GALNT17: variants seen among roughly 807,000 people sequenced by gnomAD.
GALNT17 encodes the protein polypeptide N-acetylgalactosaminyltransferase 17, also known as UDP-GalNAc:polypeptide N-acetylgalactosaminyltransferase-like 3.
GALNT17 carries 29 observed loss-of-function variants against 63.7 expected under a neutral mutation model. The observed-to-expected ratio is 0.46, with a 90% CI of 0.34 to 0.62. The LOEUF (loss-of-function observed/expected upper bound fraction) is 0.62. Among genes scored for constraint, GALNT17 ranks in the 20% least tolerant of loss-of-function variants. GALNT17 has a pLI of 0.01. For synonymous variants in GALNT17, 305 were observed against 318.3 expected (o/e 0.96, Z 0.45); for missense variants, 603 against 799.6 (o/e 0.75, Z 2.97).
chr7:71,480,357 T>C (rs980649312), intron 5 of GALNT17, among the ~76,000 whole-genome samples: 3 of 151,548 alleles, frequency 2.0e-5, no homozygotes, highest in African/African-American at 7.3e-5. Context: ...TCTTGCACAG[T>C]CCTGGCCATG....
At chr7:71,150,597 G>A (rs1386098353) in intron 1 of GALNT17, among the ~76,000 whole-genome samples, 3 of 148,590 alleles carry the variant, frequency 2.0e-5, no homozygotes, top group Non-Finnish European at 3.0e-5. Context: ...TGCAAGCTCC[G>A]CCTCCCAGGT....
intron 7 of GALNT17, among the ~76,000 whole-genome samples, chr7:71,666,103 A>G (rs950860425): frequency 3.3e-5 from 5 of 152,080 alleles, no homozygotes; most frequent in African/African-American, 1.2e-4. Flanking sequence ...GTAGTTGTAT[A>G]TTAGCGTGGT....
chr7:71,170,449 C>A (rs1381360117), intron 1 of GALNT17, among the ~76,000 whole-genome samples: 3 of 152,076 alleles, frequency 2.0e-5, no homozygotes, highest in Non-Finnish European at 4.4e-5. Flanking sequence ...GATTCTCCTG[C>A]TTCAGCTTCC....
chr7:71,140,352 C>T (rs1489997476), intron 1 of GALNT17, among the ~76,000 whole-genome samples: 2 of 152,192 alleles, frequency 1.3e-5, no homozygotes, highest in Non-Finnish European at 2.9e-5. Flanking sequence ...ACTCCCTTTA[C>T]CTCCAAGGAC....
chr7:71,302,724 T>TA, intron 1 of GALNT17, among the ~76,000 whole-genome samples: 1 of 152,158 alleles, frequency 6.6e-6, no homozygotes, highest in Non-Finnish European at 1.5e-5. Flanking sequence ...CCGTGCTCTT[T>TA]AAAAAATGGA....
At chr7:71,328,331 C>G (rs1791739496) in intron 1 of GALNT17, among the ~76,000 whole-genome samples, 1 of 152,186 alleles carries the variant, frequency 6.6e-6, no homozygotes, top group Non-Finnish European at 1.5e-5. Flanking sequence ...TCTCGCAGGC[C>G]TGGTGCCAAG....
chr7:71,292,668 AGTGTGTGTGT>A (rs201057078), intron 1 of GALNT17, among the ~76,000 whole-genome samples: 63 of 67,448 alleles, frequency 9.3e-4, no homozygotes, highest in Middle Eastern at 9.4e-3. Context: ...AGAGAGAGAG[AGTGTGTGTGT>A]GTGTGTGTGT....
chr7:71,226,841 CA>C (rs1789688672), intron 1 of GALNT17, among the ~76,000 whole-genome samples: 2 of 152,040 alleles, frequency 1.3e-5, no homozygotes, highest in African/African-American at 4.8e-5. Context: ...AAAGTATTGC[CA>C]AAAGGCTCCG....
chr7:71,237,511 GAAAAAAAAA>G (rs369921098), intron 1 of GALNT17, among the ~76,000 whole-genome samples: 1 of 78,124 alleles, frequency 1.3e-5, no homozygotes, highest in Non-Finnish European at 2.6e-5. Flanking sequence ...TCCCATCTCT[GAAAAAAAAA>G]AAAAAAAAAA....
Position 71,362,740 on chromosome 7 carries a change from C to G in GALNT17, c.423-25495C>G, listed in dbSNP as rs2527296. 2.0e-5 allele frequency among the ~76,000 whole-genome samples: 3 copies of G among 152,096 alleles called. No individual in the cohort carries two copies. In the East Asian group the frequency reaches 5.8e-4, roughly 29 times the overall value. The stretch of plus-strand genomic sequence containing the variant: ...CATTTGTGTATATTTTTACGGGAAA[C>G]GCTCCACCTAACCCTGCCCCGCTGA... On this transcript the variant is annotated intron_variant, in intron 2 of 10. Transcript: ENST00000333538.
chr7:71,330,007 G>A (rs1791780556), intron 1 of GALNT17, among the ~76,000 whole-genome samples: 1 of 94,554 alleles, frequency 1.1e-5, no homozygotes, highest in African/African-American at 4.4e-5. Flanking sequence ...ATATATGTGT[G>A]TATATATACA....
chr7:71,210,037 C>T (rs1789346736), intron 1 of GALNT17, among the ~76,000 whole-genome samples: 1 of 152,110 alleles, frequency 6.6e-6, no homozygotes, highest in Non-Finnish European at 1.5e-5. Flanking sequence ...ATTCTCCTGC[C>T]TCAGCCTCCT....
At chr7:71,455,644 G>C (rs1307488498) in intron 5 of GALNT17, among the ~76,000 whole-genome samples, 1 of 152,042 alleles carries the variant, frequency 6.6e-6, no homozygotes, top group Non-Finnish European at 1.5e-5. Context: ...AACAGTTCTT[G>C]TTCCCAGAGA....
At chr7:71,149,413 C>G (rs1342923923) in intron 1 of GALNT17, among the ~76,000 whole-genome samples, 1 of 152,152 alleles carries the variant, frequency 6.6e-6, no homozygotes, top group Non-Finnish European at 1.5e-5. Flanking sequence ...TTGGTACTCA[C>G]TGCCTCCTGG....
chr7:71,458,797 C>T (rs2116573544), intron 5 of GALNT17, among the ~76,000 whole-genome samples: 1 of 152,262 alleles, frequency 6.6e-6, no homozygotes, highest in African/African-American at 2.4e-5. Context: ...TCAGACGCTC[C>T]TTCTTTTCTC....
rs183133429 is a variant in GALNT17 at position 71,374,900 on chromosome 7, C to T, written c.423-13335C>T. ...TGTTGCCCAGGCTGGAGTGCAGTGG[C>T]GCAATCTTGGCTCACCGCAAACTCC... On this transcript the variant is annotated intron_variant, in intron 2 of 10. Transcript: ENST00000333538. Among the ~76,000 whole-genome samples, 55 of 138,354 alleles carry T rather than the reference C, an allele frequency of 4.0e-4. No homozygotes were observed. The East Asian group carries it at 0.011, about 27-fold the overall frequency. 90.8% of individuals were successfully genotyped at this position (138,354 alleles called of 152,430 possible).
At chr7:71,146,260 G>C (rs1788021392) in intron 1 of GALNT17, among the ~76,000 whole-genome samples, 1 of 152,108 alleles carries the variant, frequency 6.6e-6, no homozygotes, top group South Asian at 2.1e-4. Context: ...TACTGGGATT[G>C]TCACAGCTGT....
intron 5 of GALNT17, among the ~76,000 whole-genome samples, chr7:71,448,378 T>C (rs1234440127): frequency 1.3e-5 from 2 of 152,030 alleles, no homozygotes; most frequent in African/African-American, 4.8e-5. Flanking sequence ...TGTGTGTGTG[T>C]GGTCTCTATT....
intron 8 of GALNT17, among the ~76,000 whole-genome samples, chr7:71,671,358 G>C (rs1189379433): frequency 6.6e-6 from 1 of 152,168 alleles, no homozygotes; most frequent in Non-Finnish European, 1.5e-5. Context: ...CCAGGTTAAA[G>C]CTAAGAAGAA....
Sources: allele counts gnomAD v4.1 joint callset (sites outside exome capture counted in the v4.1 genomes callset), GRCh38; gene constraint gnomAD v4.1.1; transcripts MANE v1.5; gene names NCBI Gene and HGNC (gene_info 2026-07-23, HGNC 2026-07-21).